Variants in NBEA observed in about 807,000 individuals in gnomAD.
NBEA encodes the protein lysosomal-trafficking regulator 2.
Under a neutral mutation model 343.4 loss-of-function variants are expected in NBEA, and 44 were observed. That is an observed-to-expected ratio of 0.13 (90% CI 0.10 to 0.16). The LOEUF is 0.16. Ranked by LOEUF, NBEA falls within the 10% of genes least tolerant of loss-of-function variation. The pLI, the probability that NBEA is intolerant of heterozygous loss-of-function variation, is 1.00. For missense variants in NBEA, 2,555 were observed against 3,631.3 expected (o/e 0.70, Z 7.62); for synonymous variants, 1,175 against 1,238.7 (o/e 0.95, Z 1.08).
At chr13:35,540,843 A>C (rs1368008718) in intron 41 of NBEA, among the ~76,000 whole-genome samples, 2 of 152,220 alleles carry the variant, frequency 1.3e-5, no homozygotes, top group Non-Finnish European at 2.9e-5. Context: ...TATTGGAGAA[A>C]TACAAATAAT....
intron 34 of NBEA, among the ~76,000 whole-genome samples, chr13:35,235,479 T>G (rs1304989593): frequency 6.6e-6 from 1 of 152,168 alleles, no homozygotes; most frequent in East Asian, 1.9e-4. Context: ...GGGAATAAAG[T>G]TAGTCTTGTA....
chr13:35,571,235 T>A (rs1000278251), intron 45 of NBEA, among the ~76,000 whole-genome samples: 1 of 152,166 alleles, frequency 6.6e-6, no homozygotes, highest in Non-Finnish European at 1.5e-5. Context: ...AAATATTTAT[T>A]TTCTTTCTTT....
At chr13:35,231,059 T>C (rs781423551) in intron 33 of NBEA, among the ~76,000 whole-genome samples, 18 of 152,174 alleles carry the variant, frequency 1.2e-4, no homozygotes, top group African/African-American at 4.1e-4. Context: ...CAAATCCCCT[T>C]CAAATCCCTT....
intron 13 of NBEA, among the ~76,000 whole-genome samples, chr13:35,113,943 C>A (rs1397486996): frequency 6.6e-6 from 1 of 152,002 alleles, no homozygotes; most frequent in Non-Finnish European, 1.5e-5. Context: ...CCAGTAGGAC[C>A]CTTCACATGG....
At chr13:35,181,372 G>A (rs943968147) in intron 28 of NBEA, among the ~76,000 whole-genome samples, 3 of 151,702 alleles carry the variant, frequency 2.0e-5, no homozygotes, top group Non-Finnish European at 4.4e-5. Context: ...GAGTAAGGTG[G>A]TATCACATTG....
chr13:35,148,759 G>C (rs2068592620), intron 18 of NBEA, among the ~76,000 whole-genome samples: 1 of 151,974 alleles, frequency 6.6e-6, no homozygotes, highest in Non-Finnish European at 1.5e-5. Flanking sequence ...AACTTTTCTG[G>C]TAAAGGGACA....
intron 34 of NBEA, among the ~76,000 whole-genome samples, chr13:35,256,160 A>G (rs1315471486): frequency 1.3e-5 from 2 of 151,982 alleles, no homozygotes; most frequent in Non-Finnish European, 2.9e-5. Context: ...GAGACCTGCA[A>G]TGGGTAACTC....
chr13:35,069,770 A>G (rs2063795918), intron 8 of NBEA, 138 bp from the exon 9 acceptor site: 1 of 451,468 alleles, frequency 2.2e-6, no homozygotes, highest in South Asian at 1.1e-4. Flanking sequence ...ATAACAAAGT[A>G]AGTAATACCA....
intron 1 of NBEA, among the ~76,000 whole-genome samples, chr13:34,957,147 C>T (rs1252519180): frequency 6.6e-6 from 1 of 151,956 alleles, no homozygotes; most frequent in Non-Finnish European, 1.5e-5. Flanking sequence ...CATTTTTTCC[C>T]TTGCATTTGT....
At chr13:35,298,340 C>T (rs2036297529) in intron 35 of NBEA, among the ~76,000 whole-genome samples, 1 of 150,096 alleles carries the variant, frequency 6.7e-6, no homozygotes, top group Admixed American at 6.7e-5. Flanking sequence ...AAACAAATGG[C>T]AGCTAATTAT....
chr13:34,960,104 T>C (rs367803533), intron 1 of NBEA, among the ~76,000 whole-genome samples: 1 of 152,110 alleles, frequency 6.6e-6, no homozygotes, highest in East Asian at 1.9e-4. Flanking sequence ...TTGTTGCCCC[T>C]GAAGACTTTT....
rs1238696063 is a variant in NBEA, at chr13:35,352,310, G to A, written c.6166G>A (p.Ala2056Thr). 1 of 1,494,898 alleles carries A rather than the reference G, an allele frequency of 6.7e-7. No individual in the cohort carries two copies. The highest frequency in any genetic ancestry group is 9.0e-7 in the Non-Finnish European group (1 of 1,113,242). 92.6% of individuals were successfully genotyped at this position (1,494,898 alleles called of 1,614,324 possible). A position where few individuals can be genotyped will look rare whatever the true frequency, so the allele number is the denominator to read the frequency against. Residue 2056 changes from alanine to threonine, a missense_variant, in exon 38 of 59, where the codon GCA becomes ACA. Around this residue, in one of 21 missense-constraint regions of NBEA, gnomAD observed 246 missense variants for 313.7 expected, o/e 0.78. Transcript: ENST00000379939. Reference sequence around the variant, plus strand: ...CACAAATAAACATGGTGCTTGGGGAGCAGTTTCTCATAGGTGAGTTATAAT... The same window carrying A: ...CACAAATAAACATGGTGCTTGGGGAACAGTTTCTCATAGGTGAGTTATAAT... ...ILTNKHGAWGAVSHSQLHDFW... is the reference protein window; with the variant it reads ...ILTNKHGAWGTVSHSQLHDFW...
chr13:35,580,481 T>A (rs1213589568), intron 45 of NBEA, among the ~76,000 whole-genome samples: 1 of 152,162 alleles, frequency 6.6e-6, no homozygotes, highest in Admixed American at 6.5e-5. Context: ...TTGCTAAAAT[T>A]TTTGAAGTAT....
intron 35 of NBEA, among the ~76,000 whole-genome samples, chr13:35,302,253 A>G (rs1161687823): frequency 6.6e-6 from 1 of 152,124 alleles, no homozygotes; most frequent in African/African-American, 2.4e-5. Flanking sequence ...TGTATTATAT[A>G]TCCTGGGCAT....
In NBEA at chr13:35,431,298, A is replaced by G. The variant is rs562547092; in HGVS notation, c.6180-971A>G. 2.0e-5 allele frequency among the ~76,000 whole-genome samples: 3 copies of G among 152,230 alleles called. No individual in the cohort carries two copies. In the East Asian group the frequency reaches 5.8e-4, roughly 29 times the overall value. Reference sequence around the variant, plus strand: ...ATGAAATCTTCTAGGAAAGTATTTTATATGTTTTTATGAATAGTGCTGCTC... The same window carrying G: ...ATGAAATCTTCTAGGAAAGTATTTTGTATGTTTTTATGAATAGTGCTGCTC... On this transcript the variant is annotated intron_variant, in intron 38 of 58. Transcript: ENST00000379939.
intron 1 of NBEA, among the ~76,000 whole-genome samples, chr13:35,004,126 G>C (rs892197258): frequency 2.6e-5 from 4 of 152,072 alleles, no homozygotes; most frequent in African/African-American, 7.2e-5. Flanking sequence ...TTTTATGGTT[G>C]CATTAGTATT....
intron 38 of NBEA, among the ~76,000 whole-genome samples, chr13:35,413,815 T>C (rs1396702443): frequency 6.6e-6 from 1 of 152,144 alleles, no homozygotes; most frequent in East Asian, 1.9e-4. Flanking sequence ...GCTCAATGTT[T>C]CTGTATAATT....
intron 41 of NBEA, among the ~76,000 whole-genome samples, chr13:35,501,785 A>T (rs753905287): frequency 1.7e-4 from 26 of 152,128 alleles, no homozygotes; most frequent in Non-Finnish European, 3.1e-4. Flanking sequence ...TTCCATGCCA[A>T]GTTCCATTTC....
At chr13:35,345,892 G>A (rs1268797654) in intron 36 of NBEA, among the ~76,000 whole-genome samples, 3 of 152,098 alleles carry the variant, frequency 2.0e-5, no homozygotes, top group East Asian at 1.9e-4. Context: ...AAGATCTTTT[G>A]AGTTAATCAG....
Sources: allele counts gnomAD v4.1 joint callset (sites outside exome capture counted in the v4.1 genomes callset), GRCh38; gene constraint gnomAD v4.1.1; regional missense constraint gnomAD v4.1.1; transcripts MANE v1.5; gene names NCBI Gene and HGNC (gene_info 2026-07-23, HGNC 2026-07-21).